ZSWIM6: variants seen among roughly 807,000 people sequenced by gnomAD.
ZSWIM6 encodes the protein zinc finger SWIM-type containing 6.
ZSWIM6 carries 9 observed loss-of-function variants against 113.2 expected under a neutral mutation model. That is an observed-to-expected ratio of 0.08 (90% CI 0.05 to 0.14). The LOEUF is 0.14. Among genes scored for constraint, ZSWIM6 ranks in the 10% least tolerant of loss-of-function variants. The probability of loss-of-function intolerance (pLI) is 1.00; values close to 1 mark genes in which losing one functional copy is unlikely to be tolerated. For synonymous variants in ZSWIM6, 611 were observed against 606.5 expected (o/e 1.01, Z -0.11); for missense variants, 1,162 against 1,552.2 (o/e 0.75, Z 4.22).
intron 1 of ZSWIM6, chr5:61,375,129 T>C: frequency 1.2e-6 from 2 of 1,610,876 alleles, no homozygotes; most frequent in South Asian, 2.2e-5. Flanking sequence ...AGCGGGACAA[T>C]CGGGTGGCCT....
intron 1 of ZSWIM6, among the ~76,000 whole-genome samples, chr5:61,426,053 A>G (rs1746456887): frequency 6.6e-6 from 1 of 152,138 alleles, no homozygotes; most frequent in Non-Finnish European, 1.5e-5. Flanking sequence ...GCTCTTTTAC[A>G]CTCAGCTATG....
chr5:61,405,848 T>C (rs1469748556), intron 1 of ZSWIM6, among the ~76,000 whole-genome samples: 1 of 152,238 alleles, frequency 6.6e-6, no homozygotes, highest in African/African-American at 2.4e-5. Context: ...ACATCTTTAT[T>C]TGGAAGATTA....
intron 1 of ZSWIM6, among the ~76,000 whole-genome samples, chr5:61,418,974 G>A (rs571106765): frequency 2.6e-4 from 40 of 152,194 alleles, no homozygotes; most frequent in African/African-American, 8.2e-4. Flanking sequence ...GGTGTGCGCC[G>A]CCATGCCTGG....
chr5:61,336,360 A>G (rs1161275327), intron 1 of ZSWIM6, among the ~76,000 whole-genome samples: 1 of 152,248 alleles, frequency 6.6e-6, no homozygotes, highest in Admixed American at 6.5e-5. Flanking sequence ...GTAATGATTT[A>G]GAAGTTACAT....
At chr5:61,420,857 A>G (rs113516364) in intron 1 of ZSWIM6, among the ~76,000 whole-genome samples, 21,424 of 151,892 alleles carry the variant, frequency 0.14, 1,617 homozygotes, top group Non-Finnish European at 0.17. Flanking sequence ...TGTAAAATTA[A>G]ATTATTTTTG....
At chr5:61,493,218 C>T (rs13157831) in intron 3 of ZSWIM6, among the ~76,000 whole-genome samples, 57,138 of 151,794 alleles carry the variant, frequency 0.38, 10,901 homozygotes, top group South Asian at 0.43. Context: ...GTTCTTGAAC[C>T]TAACAGGCCT....
intron 1 of ZSWIM6, among the ~76,000 whole-genome samples, chr5:61,390,015 T>G (rs1745671516): frequency 1.3e-5 from 2 of 152,236 alleles, no homozygotes; most frequent in Admixed American, 1.3e-4. Flanking sequence ...GAATTTTTCT[T>G]TCTTTTTTCC....
intron 1 of ZSWIM6, among the ~76,000 whole-genome samples, chr5:61,409,072 T>G (rs1746102023): frequency 1.1e-5 from 1 of 94,324 alleles, no homozygotes; most frequent in Admixed American, 1.1e-4. Flanking sequence ...AGGGGAAAGG[T>G]TTTTTTTTTT....
intron 1 of ZSWIM6, chr5:61,390,893 G>A (rs1226617134): frequency 2.3e-6 from 2 of 885,442 alleles, no homozygotes; most frequent in Non-Finnish European, 3.8e-6. Context: ...GCATGACAAA[G>A]TCATTGGTCA....
intron 1 of ZSWIM6, among the ~76,000 whole-genome samples, chr5:61,389,157 G>T (rs1745648797): frequency 6.6e-6 from 1 of 152,016 alleles, no homozygotes; most frequent in Non-Finnish European, 1.5e-5. Flanking sequence ...TCTAGTTGGG[G>T]CTTATCTTTT....
At chr5:61,509,180 T>TAA (rs1384672608) in intron 4 of ZSWIM6, among the ~76,000 whole-genome samples, 1 of 152,164 alleles carries the variant, frequency 6.6e-6, no homozygotes, top group Non-Finnish European at 1.5e-5. Context: ...AACACAGTCT[T>TAA]AGAGTATTAT....
chr5:61,345,952 AT>A (rs951725536), intron 1 of ZSWIM6, among the ~76,000 whole-genome samples: 4 of 152,096 alleles, frequency 2.6e-5, no homozygotes, highest in African/African-American at 9.7e-5. Context: ...ACATTCTTAC[AT>A]CTTTTTGTTG....
intron 1 of ZSWIM6, among the ~76,000 whole-genome samples, chr5:61,456,795 T>C (rs1396675088): frequency 2.6e-5 from 4 of 152,210 alleles, no homozygotes; most frequent in Non-Finnish European, 5.9e-5. Flanking sequence ...TCATTTATTG[T>C]ATCTTTTCTT....
At chr5:61,398,007 A>T (rs1745875859) in intron 1 of ZSWIM6, among the ~76,000 whole-genome samples, 1 of 152,216 alleles carries the variant, frequency 6.6e-6, no homozygotes, top group Non-Finnish European at 1.5e-5. Context: ...GTTGCAAAAT[A>T]GAATCTCAAT....
chr5:61,361,950 T>G (rs1160489902), intron 1 of ZSWIM6, among the ~76,000 whole-genome samples: 1 of 152,182 alleles, frequency 6.6e-6, no homozygotes, highest in Non-Finnish European at 1.5e-5. Context: ...TGATTAACCA[T>G]TATGTGAGTC....
chr5:61,359,818 A>G lies in ZSWIM6; in HGVS notation c.676+26870A>G, dbSNP rs961119923. Reference sequence around the variant, plus strand: ...CTGTAAGAAGTAGGTGCTATCAGTTAGTGTCCAGTCAGGAAAATGGAAAAA... The same window carrying G: ...CTGTAAGAAGTAGGTGCTATCAGTTGGTGTCCAGTCAGGAAAATGGAAAAA... On this transcript the variant is annotated intron_variant, in intron 1 of 13. Coordinates refer to ENST00000252744, the MANE Select transcript of ZSWIM6 (RefSeq NM_020928.2). Among the ~76,000 whole-genome samples the G allele has an allele frequency of 3.9e-5, 6 of 152,316 alleles. No homozygotes were observed. The East Asian group carries it at 1.2e-3, about 29-fold the overall frequency.
intron 1 of ZSWIM6, among the ~76,000 whole-genome samples, chr5:61,396,624 G>C (rs1479679634): frequency 7.2e-5 from 11 of 151,896 alleles, no homozygotes; most frequent in Admixed American, 6.6e-4. Context: ...ATGTAAGATG[G>C]CAGTGTTGGT....
chr5:61,522,543 T>G (rs1274022423), intron 5 of ZSWIM6, among the ~76,000 whole-genome samples: 1 of 152,194 alleles, frequency 6.6e-6, no homozygotes, highest in Non-Finnish European at 1.5e-5. Context: ...TATTACTCCA[T>G]AGGGACTTTT....
intron 1 of ZSWIM6, among the ~76,000 whole-genome samples, chr5:61,407,803 T>C (rs1746072933): frequency 6.6e-6 from 1 of 152,202 alleles, no homozygotes; most frequent in African/African-American, 2.4e-5. Context: ...ACAGATCTGT[T>C]TTCTAAAAAT....
Sources: gnomAD v4.1 joint callset for allele counts (sites outside exome capture counted in the v4.1 genomes callset) on GRCh38, gnomAD v4.1.1 for gene constraint, MANE v1.5 for transcripts, NCBI Gene and HGNC (gene_info 2026-07-23, HGNC 2026-07-21) for gene names.